USP48: variants seen among roughly 807,000 people sequenced by gnomAD.
USP48 encodes the protein ubiquitin carboxyl-terminal hydrolase 48.
USP48 carries 43 observed loss-of-function variants against 150.7 expected under a neutral mutation model. The ratio of observed to expected loss-of-function variants is 0.29; its 90% CI spans 0.22 to 0.37. The LOEUF is 0.37. USP48 is among the 10% of genes least tolerant of loss of function. USP48 has a pLI of 1.00. For synonymous variants in USP48, 396 were observed against 425.9 expected, an observed-to-expected ratio of 0.93 and a Z score of 0.86; for missense variants, 813 against 1,249.6, an observed-to-expected ratio of 0.65 and a Z score of 5.27.
chr1:21,697,834 AT>A (rs909541806), intron 22 of USP48, among the ~76,000 whole-genome samples: 1 of 152,116 alleles, frequency 6.6e-6, no homozygotes, highest in Non-Finnish European at 1.5e-5. Context: ...AATAACTCTG[AT>A]TTTAAATGGA....
chr1:21,735,549 A>G (rs1436915401), intron 9 of USP48, among the ~76,000 whole-genome samples: 1 of 152,218 alleles, frequency 6.6e-6, no homozygotes, highest in Admixed American at 6.5e-5. Context: ...CCAGGAACTC[A>G]AGACCAGCCT....
Position 21,704,353 on chromosome 1 carries a change from T to C in USP48, c.2424A>G (p.Gln808=), listed in dbSNP as rs374465607. ...LIWPSEWQMI[Q]KLFVVDHVIK... Reference sequence around the variant, plus strand: ...TTACATGATCCACAACAAAGAGCTTTTGTATCATTTGCCACTCACTGGGCC... The same window carrying C: ...TTACATGATCCACAACAAAGAGCTTCTGTATCATTTGCCACTCACTGGGCC... The change falls in exon 20 of 27, where the codon CAA becomes CAG. Residue 808 remains glutamine (Q), a synonymous_variant. Coordinates refer to ENST00000308271, the MANE Select transcript of USP48 (RefSeq NM_032236.8). 7.6e-5 allele frequency: 123 copies of C among 1,613,798 alleles called. No homozygotes were observed. Among genetic ancestry groups the C allele is most frequent in the Non-Finnish European group, 9.9e-5 (117 of 1,179,950 alleles).
At position 21,706,876 on chromosome 1, in the gene USP48, T is replaced by TA. The variant is rs752273021; in HGVS notation, c.1964-9dup. 3 of 1,574,340 alleles carry TA rather than the reference T, an allele frequency of 1.9e-6. No homozygotes were observed. The highest frequency in any genetic ancestry group is 1.2e-5 in the South Asian group (1 of 83,922). On this transcript the variant is annotated splice_polypyrimidine_tract_variant and intron_variant, in intron 15 of 26. Transcript: ENST00000308271. Reference sequence around the variant, plus strand: ...CAGATATGCATAACTCACCTGAGTTTAAAAAAATATATTTGGAAAAAAAAA... The same window carrying TA: ...CAGATATGCATAACTCACCTGAGTTTAAAAAAAATATATTTGGAAAAAAAAA...
intron 14 of USP48, among the ~76,000 whole-genome samples, chr1:21,720,507 C>T (rs1312140292): frequency 6.6e-6 from 1 of 151,402 alleles, no homozygotes; most frequent in Non-Finnish European, 1.5e-5. Flanking sequence ...ACCAATTTTG[C>T]TCATTTTTTG....
At chr1:21,697,135 G>T (rs1164628869) in intron 22 of USP48, among the ~76,000 whole-genome samples, 1 of 151,932 alleles carries the variant, frequency 6.6e-6, no homozygotes, top group Non-Finnish European at 1.5e-5. Flanking sequence ...TTACTCATGG[G>T]CTCCACAGTT....
chr1:21,691,259 A>G (rs1043585595), intron 23 of USP48, among the ~76,000 whole-genome samples: 1 of 147,836 alleles, frequency 6.8e-6, no homozygotes. Flanking sequence ...GGTTGTGGTG[A>G]GCTGAGACCA....
In USP48 at chr1:21,751,520, G is replaced by A. The variant is rs763512444; in HGVS notation, c.761C>T (p.Ser254Leu). The A allele has an allele frequency of 1.1e-5, 17 of 1,613,340 alleles. No homozygotes were observed. The highest frequency in any genetic ancestry group is 2.2e-5 in the East Asian group (1 of 44,832). Residue 254 changes from serine to leucine, a missense_variant, in exon 6 of 27, where the codon TCG (serine) becomes TTG (leucine). Ser to Leu is a moderately radical substitution (Grantham distance 145). Transcript: ENST00000308271. ...AAATTTGAATACCTTCAAAAATTCC[G>A]AGATACAATCTGTTAACTGTTTGTG... ...QGHKQLTDCISEFLKEEKLEG... is the reference protein window; with the variant it reads ...QGHKQLTDCILEFLKEEKLEG...
At chr1:21,696,725 C>T (rs901858967) in intron 22 of USP48, among the ~76,000 whole-genome samples, 7 of 151,958 alleles carry the variant, frequency 4.6e-5, no homozygotes, top group African/African-American at 7.3e-5. Context: ...AAAAAGGATG[C>T]CCCTGGGTGT....
At chr1:21,736,683 T>G (rs2097769517) in intron 8 of USP48, 58 bp from the exon 9 acceptor site, 6 of 1,320,096 alleles carry the variant, frequency 4.5e-6, no homozygotes, top group Non-Finnish European at 5.9e-6. Context: ...TCTTATATCC[T>G]GAGCCTGAAT....
chr1:21,773,768 G>A (rs1451668646), intron 1 of USP48, among the ~76,000 whole-genome samples: 1 of 152,114 alleles, frequency 6.6e-6, no homozygotes, highest in African/African-American at 2.4e-5. Context: ...GATGCAGAGG[G>A]CTGGCTAGGG....
chr1:21,751,898 A>G (rs1277739116), intron 5 of USP48, among the ~76,000 whole-genome samples: 1 of 151,730 alleles, frequency 6.6e-6, no homozygotes, highest in African/African-American at 2.4e-5. Flanking sequence ...CGTTCCTGTA[A>G]TCTCAGCTAC....
chr1:21,738,242 G>C (rs561900358), intron 8 of USP48, among the ~76,000 whole-genome samples: 5 of 152,030 alleles, frequency 3.3e-5, no homozygotes, highest in Admixed American at 1.3e-4. Context: ...ATTTTTAGTA[G>C]AGACGGGGTT....
intron 25 of USP48, 44 bp from the exon 26 acceptor site, chr1:21,680,878 T>C (rs547738206): frequency 1.3e-6 from 2 of 1,491,832 alleles, no homozygotes; most frequent in Non-Finnish European, 1.8e-6. Context: ...GAAAAGATTG[T>C]CGTGACAGAC....
intron 15 of USP48, among the ~76,000 whole-genome samples, chr1:21,709,115 G>T (rs970081598): frequency 2.0e-5 from 3 of 151,742 alleles, no homozygotes; most frequent in Non-Finnish European, 4.4e-5. Flanking sequence ...CGAACTTCTG[G>T]TTTTAAGCAA....
chr1:21,758,334 G>T (rs1280008635), intron 1 of USP48, among the ~76,000 whole-genome samples: 1 of 151,956 alleles, frequency 6.6e-6, no homozygotes, highest in Non-Finnish European at 1.5e-5. Flanking sequence ...ACTGTTATGT[G>T]TAAGAAATAT....
At chr1:21,687,714 A>C (rs749317265) in intron 24 of USP48, among the ~76,000 whole-genome samples, 2 of 152,220 alleles carry the variant, frequency 1.3e-5, no homozygotes, top group African/African-American at 2.4e-5. Context: ...GAAGCTTATG[A>C]TGTCTGAGCT....
chr1:21,731,458 T>C (rs1174338712), intron 9 of USP48, among the ~76,000 whole-genome samples: 3 of 151,720 alleles, frequency 2.0e-5, no homozygotes, highest in South Asian at 2.1e-4. Context: ...GAGATGAGGA[T>C]TTACCACGTT....
chr1:21,771,373 C>CA (rs67217692), intron 1 of USP48, among the ~76,000 whole-genome samples: 51 of 132,812 alleles, frequency 3.8e-4, no homozygotes, highest in African/African-American at 9.9e-4. Context: ...GACTCCATCT[C>CA]AAAAAAAAAT....
At position 21,780,738 on chromosome 1, in the gene USP48, A is replaced by ATTTTT. The variant is rs34071636; in HGVS notation, c.134+2081_134+2085dup. The stretch of plus-strand genomic sequence containing the variant: ...GGGCATACAGAGCCAAGATAAGATA[A>ATTTTT]TTTTTTTTTTTTTTTTTTTTTTGAG... On this transcript the variant is annotated intron_variant, in intron 1 of 26. Coordinates refer to ENST00000308271, the MANE Select transcript of USP48 (RefSeq NM_032236.8). 1.0e-3 allele frequency among the ~76,000 whole-genome samples: 120 copies of ATTTTT among 117,434 alleles called. 1 individual carries two copies. The highest frequency in any genetic ancestry group is 1.6e-3 in the Non-Finnish European group (90 of 57,782). 77.0% of individuals were successfully genotyped at this position (117,434 alleles called of 152,430 possible).
Sources: allele counts gnomAD v4.1 joint callset (sites outside exome capture counted in the v4.1 genomes callset), GRCh38; gene constraint gnomAD v4.1.1; transcripts MANE v1.5; gene names NCBI Gene and HGNC (gene_info 2026-07-23, HGNC 2026-07-21).